Variants in ABCC1 observed in about 807,000 individuals in gnomAD.
ABCC1 encodes multidrug resistance-associated protein 1.
Under a neutral mutation model 172.9 loss-of-function variants are expected in ABCC1, and 83 were observed. The ratio of observed to expected loss-of-function variants is 0.48; its 90% CI spans 0.40 to 0.58. The LOEUF (loss-of-function observed/expected upper bound fraction) is 0.58, where lower values mean the gene tolerates loss of function less well. ABCC1 is among the 20% of genes least tolerant of loss of function. The pLI is 0.00. For synonymous variants in ABCC1, 937 were observed against 825.2 expected, an observed-to-expected ratio of 1.14 and a Z score of -2.32; for missense variants, 1,817 against 2,002.7, an observed-to-expected ratio of 0.91 and a Z score of 1.77.
At chr16:16,072,485 T>G (rs1020561355) in intron 14 of ABCC1, among the ~76,000 whole-genome samples, 1 of 14,252 alleles carries the variant, frequency 7.0e-5, no homozygotes, top group Non-Finnish European at 1.7e-4. Flanking sequence ...TCTCCTGGCC[T>G]TTTTTTTTTT....
At chr16:16,067,916 G>C (rs1233437930) in intron 12 of ABCC1, among the ~76,000 whole-genome samples, 1 of 152,230 alleles carries the variant, frequency 6.6e-6, no homozygotes, top group East Asian at 1.9e-4. Flanking sequence ...TGAGAAAGTT[G>C]ATGGGAGAGG....
In ABCC1 at chr16:16,105,714, CT is replaced by C. The variant is rs71137912; in HGVS notation, c.2736-1008del. Among the ~76,000 whole-genome samples, 685 of 130,320 alleles carry C rather than the reference CT, an allele frequency of 5.3e-3. 1 individual carries two copies. Among genetic ancestry groups the C allele is most frequent in the African/African-American group, 0.014 (467 of 34,538 alleles). 85.5% of individuals were successfully genotyped at this position (130,320 alleles called of 152,430 possible). ...TCCATAATTTCTTTTCTTTTCTTTT[CT>C]TTTTTTTTTTTTTTTGACATGAGTC... On this transcript the variant is annotated intron_variant, in intron 20 of 30. Transcript: ENST00000399410.
At chr16:16,019,217 C>T (rs2048112398) in intron 5 of ABCC1, among the ~76,000 whole-genome samples, 1 of 152,126 alleles carries the variant, frequency 6.6e-6, no homozygotes, top group African/African-American at 2.4e-5. Context: ...GATTCTTCTG[C>T]TTCAGCCTCC....
chr16:16,007,200 G>T (rs1204510310), intron 1 of ABCC1, among the ~76,000 whole-genome samples: 2 of 147,380 alleles, frequency 1.4e-5, no homozygotes, highest in Non-Finnish European at 3.0e-5. Context: ...GGGTTTTTTT[G>T]TGTGTATGCA....
At position 16,071,725 on chromosome 16, in the gene ABCC1, A is replaced by G. The variant is rs1349982924; in HGVS notation, c.1908A>G (p.Lys636=). 1 of 1,613,142 alleles carries G rather than the reference A, an allele frequency of 6.2e-7. No homozygotes were observed. Among genetic ancestry groups the G allele is most frequent in the Non-Finnish European group, 8.5e-7 (1 of 1,179,694 alleles). ...EPDSIERRPV[K]DGGGTNSITV... ...ACAGCATCGAGCGACGGCCTGTCAA[A>G]GACGGTGTGTGTGTGTTCAGTCCTG... The change falls in exon 14 of 31, where the codon AAA becomes AAG. Residue 636 remains lysine, a synonymous_variant. Transcript: ENST00000399410.
intron 19 of ABCC1, among the ~76,000 whole-genome samples, chr16:16,097,796 C>A (rs2051547921): frequency 6.6e-6 from 1 of 152,194 alleles, no homozygotes; most frequent in Non-Finnish European, 1.5e-5. Context: ...ACAAGGCCAC[C>A]TGGTACGTGA....
intron 1 of ABCC1, among the ~76,000 whole-genome samples, chr16:15,950,868 T>C (rs1045027287): frequency 6.6e-6 from 1 of 152,086 alleles, no homozygotes; most frequent in African/African-American, 2.4e-5. Flanking sequence ...TCCTCGAGGG[T>C]TGCATTTGGA....
At position 16,134,387 on chromosome 16, in the gene ABCC1, C is replaced by G. The variant is rs1273748537; in HGVS notation, c.4004C>G (p.Ser1335Cys). ...GGGCGGACGGGAGCTGGGAAGTCGTCCCTGACCCTGGGCTTATTTCGGATC... is the reference window on the plus strand; with the variant it reads ...GGGCGGACGGGAGCTGGGAAGTCGTGCCTGACCCTGGGCTTATTTCGGATC... ...IVGRTGAGKS[S>C]LTLGLFRINE... The change falls in exon 28 of 31, where the codon TCC becomes TGC. Residue 1335 changes from serine (S) to cysteine (C), a missense_variant. By Grantham distance (112) the Ser-to-Cys change is moderately radical. This residue lies in a region of ABCC1 where 1,412 missense variants were observed against 1,600.3 expected (regional missense o/e 0.88). Transcript: ENST00000399410. The G allele has an allele frequency of 4.3e-6, 7 of 1,614,114 alleles. No individual in the cohort carries two copies. The highest frequency in any genetic ancestry group is 5.9e-6 in the Non-Finnish European group (7 of 1,180,032).
At chr16:15,950,632 A>T (rs1159018589) in intron 1 of ABCC1, among the ~76,000 whole-genome samples, 1 of 152,130 alleles carries the variant, frequency 6.6e-6, no homozygotes, top group African/African-American at 2.4e-5. Context: ...TTTAAGCCCC[A>T]GTCTTTTGGG....
chr16:16,135,101 T>TTC (rs1202889084), intron 28 of ABCC1, among the ~76,000 whole-genome samples: 1 of 152,222 alleles, frequency 6.6e-6, no homozygotes, highest in Non-Finnish European at 1.5e-5. Context: ...AGACACCGTC[T>TTC]TCTCTCTCTG....
chr16:15,958,792 C>T (rs927036667), intron 1 of ABCC1, among the ~76,000 whole-genome samples: 13 of 152,094 alleles, frequency 8.5e-5, no homozygotes, highest in Non-Finnish European at 1.5e-4. Context: ...TTGAACGGGG[C>T]CTTTGAGGAA....
chr16:16,008,043 G>C, intron 2 of ABCC1, 51 bp downstream of exon 2: 1 of 1,460,064 alleles, frequency 6.8e-7, no homozygotes, highest in South Asian at 1.2e-5. Context: ...GCACCTGGAC[G>C]GGGAGTGGTG....
intron 19 of ABCC1, among the ~76,000 whole-genome samples, chr16:16,091,025 C>T (rs911225220): frequency 2.6e-5 from 4 of 152,058 alleles, no homozygotes; most frequent in Admixed American, 6.6e-5. Flanking sequence ...CTGGCAGGCT[C>T]GGGTTGGTGA....
Position 16,111,602 on chromosome 16 carries a change from A to C in ABCC1, c.3079+20A>C. ...CACAAGGTTGGTGCCGCTGTCTCCC[A>C]CCCCGCCTGATTTGGGCCCCTGTTG... is the stretch of plus-strand genomic sequence containing the variant. On this transcript the variant is annotated intron_variant, in intron 22 of 30. Coordinates refer to ENST00000399410, the MANE Select transcript of ABCC1 (RefSeq NM_004996.4). 6.2e-7 allele frequency: 1 copy of C among 1,600,788 alleles called. No homozygotes were observed. Among genetic ancestry groups the C allele is most frequent in the Non-Finnish European group, 8.5e-7 (1 of 1,172,992 alleles).
intron 7 of ABCC1, among the ~76,000 whole-genome samples, chr16:16,043,222 G>GTTTT (rs147161637): frequency 0.017 from 1,496 of 89,352 alleles, 93 homozygotes; most frequent in African/African-American, 0.063. Context: ...TGGCTGGACT[G>GTTTT]TTTTTTTTTT....
chr16:15,999,809 C>CTCTCTCTCTCTCTCTCTCTCTCT, intron 1 of ABCC1, among the ~76,000 whole-genome samples: 1 of 8,376 alleles, frequency 1.2e-4, no homozygotes, highest in East Asian at 2.6e-3. Context: ...CTCTCTCTCT[C>CTCTCTCTCTCTCTCTCTCTCTCT]CTCTCTCTCT....
intron 29 of ABCC1, among the ~76,000 whole-genome samples, chr16:16,137,342 A>G (rs750530276): frequency 6.6e-6 from 1 of 152,076 alleles, no homozygotes; most frequent in Admixed American, 6.6e-5. Flanking sequence ...TGCATCCCTC[A>G]TTCTCCAGCA....
chr16:16,043,829 T>C (rs971915847), intron 7 of ABCC1, among the ~76,000 whole-genome samples: 2 of 151,980 alleles, frequency 1.3e-5, no homozygotes, highest in African/African-American at 4.8e-5. Flanking sequence ...CTCAAACTCC[T>C]GACCCCAAGT....
intron 19 of ABCC1, 84 bp from the exon 20 acceptor site, chr16:16,102,543 C>T (rs1035419545): frequency 1.6e-5 from 21 of 1,307,106 alleles, no homozygotes; most frequent in Non-Finnish European, 2.2e-5. Flanking sequence ...GGTCTCCTCA[C>T]TGAAGTGGCC....
Sources: gnomAD v4.1 joint callset for allele counts (sites outside exome capture counted in the v4.1 genomes callset) on GRCh38, gnomAD v4.1.1 for gene constraint, gnomAD v4.1.1 regional missense constraint, MANE v1.5 for transcripts, NCBI Gene and HGNC (gene_info 2026-07-23, HGNC 2026-07-21) for gene names.